The following CACNA2D3 variants were observed in gnomAD, a reference collection of about 807,000 sequenced individuals.
The protein encoded by CACNA2D3 is calcium voltage-gated channel auxiliary subunit alpha2delta 3, also known as voltage-dependent calcium channel subunit alpha-2/delta-3.
Under a neutral mutation model 160.6 loss-of-function variants are expected in CACNA2D3, and 60 were observed. The observed-to-expected ratio is 0.37, with a 90% confidence interval of 0.30 to 0.46. CACNA2D3 has a LOEUF of 0.46. Ranked by LOEUF, CACNA2D3 falls within the 20% of genes least tolerant of loss-of-function variation. The pLI is 1.00. For synonymous variants in CACNA2D3, 558 were observed against 492.9 expected (o/e 1.13, Z -1.75); for missense variants, 1,205 against 1,365.0 (o/e 0.88, Z 1.85).
At chr3:54,261,712 A>G (rs1702402500) in intron 2 of CACNA2D3, among the ~76,000 whole-genome samples, 1 of 152,230 alleles carries the variant, frequency 6.6e-6, no homozygotes, top group Non-Finnish European at 1.5e-5. Context: ...AAATTCAGAA[A>G]GGTCTCTGGT....
chr3:54,885,639 G>T, intron 23 of CACNA2D3, 53 bp downstream of exon 23: 1 of 1,408,314 alleles, frequency 7.1e-7, no homozygotes, highest in South Asian at 1.2e-5. Flanking sequence ...GGTGGGGAAT[G>T]AACTCAAAAC....
intron 35 of CACNA2D3, among the ~76,000 whole-genome samples, chr3:55,063,433 A>G (rs1219591194): frequency 6.6e-6 from 1 of 152,130 alleles, no homozygotes; most frequent in African/African-American, 2.4e-5. Flanking sequence ...CAAGGATTCC[A>G]ATATAATTTA....
In CACNA2D3 at chr3:54,738,941, T is replaced by G. The variant is rs143514150; in HGVS notation, c.1168-13658T>G. Among the ~76,000 whole-genome samples, 388 of 152,172 alleles carry G rather than the reference T, an allele frequency of 2.5e-3. 5 individuals are homozygous for G. The highest frequency in any genetic ancestry group is 7.8e-3 in the African/African-American group (323 of 41,534). ...CCGAGGCTATCTTGAGCCCAGGAGT[T>G]TAAGACCAGCCTAGGCAATATGGCA... On this transcript the variant is annotated intron_variant, in intron 11 of 37. Coordinates refer to ENST00000474759, the MANE Select transcript of CACNA2D3 (RefSeq NM_018398.3).
intron 2 of CACNA2D3, among the ~76,000 whole-genome samples, chr3:54,257,411 G>A (rs1702317256): frequency 6.6e-6 from 1 of 152,316 alleles, no homozygotes; most frequent in African/African-American, 2.4e-5. Flanking sequence ...GTAATTGGTT[G>A]CTGCATGTAG....
intron 4 of CACNA2D3, among the ~76,000 whole-genome samples, chr3:54,465,157 T>G (rs1425368054): frequency 6.6e-6 from 1 of 152,104 alleles, no homozygotes; most frequent in Non-Finnish European, 1.5e-5. Context: ...TCAGTTGCAT[T>G]TTTATTTCAT....
At chr3:54,264,374 A>C (rs915110896) in intron 2 of CACNA2D3, among the ~76,000 whole-genome samples, 83 of 152,146 alleles carry the variant, frequency 5.5e-4, no homozygotes, top group African/African-American at 1.9e-3. Context: ...TTTTTCTTTG[A>C]AAATCAGGAG....
chr3:54,644,706 G>C (rs143350225), intron 11 of CACNA2D3, among the ~76,000 whole-genome samples: 51 of 152,282 alleles, frequency 3.3e-4, no homozygotes, highest in African/African-American at 1.1e-3. Flanking sequence ...AGTGAGCTTC[G>C]GGATCACCCG....
chr3:54,477,262 G>A (rs1347237723), intron 4 of CACNA2D3, among the ~76,000 whole-genome samples: 1 of 151,652 alleles, frequency 6.6e-6, no homozygotes, highest in Non-Finnish European at 1.5e-5. Context: ...TTCAGATGGG[G>A]TAAATGAGGC....
intron 5 of CACNA2D3, among the ~76,000 whole-genome samples, chr3:54,549,460 C>A (rs117687867): frequency 0.012 from 1,869 of 152,160 alleles, 57 homozygotes; most frequent in East Asian, 0.12. Flanking sequence ...ACAAAAAAAA[C>A]AACAAACAAA....
chr3:54,228,269 C>T (rs961045749), intron 2 of CACNA2D3, among the ~76,000 whole-genome samples: 14 of 152,194 alleles, frequency 9.2e-5, no homozygotes, highest in Non-Finnish European at 1.8e-4. Flanking sequence ...TAGCAGAAAC[C>T]GGGAATCAGA....
intron 3 of CACNA2D3, among the ~76,000 whole-genome samples, chr3:54,357,081 TC>T (rs1330188485): frequency 6.6e-6 from 1 of 152,150 alleles, no homozygotes; most frequent in African/African-American, 2.4e-5. Context: ...TAGCTTTGGT[TC>T]CTCTTGGTGT....
chr3:54,584,919 T>TGAAA (rs1361660271), intron 9 of CACNA2D3, among the ~76,000 whole-genome samples: 9 of 152,124 alleles, frequency 5.9e-5, no homozygotes, highest in Non-Finnish European at 5.9e-5. Flanking sequence ...CTATATCCAG[T>TGAAA]GAAAATATCC....
At chr3:54,640,669 T>C (rs1209859040) in intron 10 of CACNA2D3, among the ~76,000 whole-genome samples, 1 of 152,228 alleles carries the variant, frequency 6.6e-6, no homozygotes, top group South Asian at 2.1e-4. Context: ...TATGTAAGTT[T>C]ACATGCCAAC....
At chr3:54,287,107 G>T (rs1277629253) in intron 2 of CACNA2D3, among the ~76,000 whole-genome samples, 2 of 151,882 alleles carry the variant, frequency 1.3e-5, no homozygotes, top group Non-Finnish European at 2.9e-5. Context: ...TGGACTAAAT[G>T]CTCCAATTAA....
intron 2 of CACNA2D3, among the ~76,000 whole-genome samples, chr3:54,133,916 T>C (rs915504824): frequency 6.6e-6 from 1 of 152,176 alleles, no homozygotes; most frequent in Non-Finnish European, 1.5e-5. Flanking sequence ...GGGCCTCAAG[T>C]TCCTTACCTG....
chr3:54,961,017 A>G (rs895334153), intron 27 of CACNA2D3, among the ~76,000 whole-genome samples: 31 of 152,248 alleles, frequency 2.0e-4, no homozygotes, highest in African/African-American at 6.8e-4. Context: ...TTCCCAAAAA[A>G]TGACATTCAG....
chr3:54,165,553 A>C (rs1173215243), intron 2 of CACNA2D3, among the ~76,000 whole-genome samples: 10 of 150,522 alleles, frequency 6.6e-5, no homozygotes, highest in Non-Finnish European at 1.5e-4. Context: ...GGCTGGGCAC[A>C]GTGGCTCATG....
chr3:54,149,928 T>TCTCTCTCTCTCTCTCCCTCCCTCC (rs1559863335), intron 2 of CACNA2D3, among the ~76,000 whole-genome samples: 11 of 35,556 alleles, frequency 3.1e-4, no homozygotes, highest in African/African-American at 1.2e-3. Context: ...TCTCTCTCTC[T>TCTCTCTCTCTCTCTCCCTCCCTCC]CTCCCTCCCT....
intron 17 of CACNA2D3, among the ~76,000 whole-genome samples, chr3:54,858,423 G>A (rs1277520536): frequency 6.6e-6 from 1 of 152,288 alleles, no homozygotes; most frequent in East Asian, 1.9e-4. Context: ...AGGAGCTCAA[G>A]GCAGAATGAA....
Sources: gnomAD v4.1 joint callset for allele counts (sites outside exome capture counted in the v4.1 genomes callset) on GRCh38, gnomAD v4.1.1 for gene constraint, MANE v1.5 for transcripts, NCBI Gene and HGNC (gene_info 2026-07-23, HGNC 2026-07-21) for gene names.